Variants in SRMS observed in about 807,000 individuals in gnomAD.
SRMS encodes the protein tyrosine-protein kinase Srms.
Under a neutral mutation model 43.5 loss-of-function variants are expected in SRMS, and 42 were observed. The observed-to-expected ratio is 0.97, with a 90% CI of 0.75 to 1.25. SRMS has a LOEUF of 1.25. Ranked by LOEUF, SRMS falls within the 50% of genes most tolerant of loss-of-function variation. SRMS has a pLI of 0.00. For synonymous variants in SRMS, 316 were observed against 308.2 expected (o/e 1.03, Z -0.27); for missense variants, 703 against 681.0 (o/e 1.03, Z -0.36).
rs1555886442 is a variant in SRMS, at chr20:63,538,721, T to TGGGGGGGGGGGG, written c.*2096_*2097insCCCCCCCCCCCC. On this transcript the variant is annotated 3_prime_UTR_variant, in exon 8 of 8. Coordinates refer to ENST00000217188, the MANE Select transcript of SRMS (RefSeq NM_080823.4). ...GTTGGGGAGGATGCAGGGGGAGGGG[T>TGGGGGGGGGGGG]GGGGGGTGGGGAATGCGGAAGGAGG... Among the ~76,000 whole-genome samples the TGGGGGGGGGGGG allele has an allele frequency of 4.2e-5, 1 of 23,932 alleles. No homozygotes were observed. The highest frequency in any genetic ancestry group is 1.8e-4 in the African/African-American group (1 of 5,656). 15.7% of individuals were successfully genotyped at this position (23,932 alleles called of 152,430 possible).
chr20:63,541,381 T>A, intron 6 of SRMS, 34 bp from the exon 7 acceptor site: 2 of 1,546,062 alleles, frequency 1.3e-6, no homozygotes, highest in Non-Finnish European at 1.7e-6. Flanking sequence ...GTAGGGCAGG[T>A]GGACCGGGGT....
intron 2 of SRMS, 136 bp downstream of exon 2, chr20:63,544,091 C>A: frequency 9.4e-7 from 1 of 1,066,466 alleles, no homozygotes; most frequent in Non-Finnish European, 1.2e-6. Flanking sequence ...CAGGAGGTGA[C>A]CAGCATATCT....
At position 63,547,107 on chromosome 20, in the gene SRMS, C is replaced by T. The variant is rs765182956; in HGVS notation, c.356+1G>A. Reference sequence around the variant, plus strand: ...TCTGACTCCGAGGCCGAGGTACTCACGGTTGGTCTGAGAGCGTCTCAGGAG... The same window carrying T: ...TCTGACTCCGAGGCCGAGGTACTCATGGTTGGTCTGAGAGCGTCTCAGGAG... On this transcript the variant is annotated splice_donor_variant, in intron 1 of 7. Transcript: ENST00000217188. LOFTEE classifies it high-confidence loss of function. 77 of 1,560,494 alleles carry T rather than the reference C, an allele frequency of 4.9e-5. No homozygotes were observed. In the South Asian group the frequency reaches 5.8e-4, roughly 12 times the overall value.
chr20:63,547,464 C>A lies in SRMS; in HGVS notation c.-1G>T, dbSNP rs942321178. 3.4e-6 allele frequency: 5 copies of A among 1,482,830 alleles called. No individual in the cohort carries two copies. Among genetic ancestry groups the A allele is most frequent in the South Asian group, 1.3e-5 (1 of 74,300 alleles). The allele number at this position is 1,482,830 out of a possible 1,614,324, so 91.9% of individuals were successfully genotyped here. ...GCCGCCTCCTGAGGAACGGCTCCAT[C>A]CCCCGGGGTCACCACGCTGGGCCCG... On this transcript the variant is annotated 5_prime_UTR_variant, in exon 1 of 8. Transcript: ENST00000217188.
At chr20:63,546,748 A>G (rs2082733618) in intron 1 of SRMS, among the ~76,000 whole-genome samples, 1 of 152,028 alleles carries the variant, frequency 6.6e-6, no homozygotes, top group Admixed American at 6.5e-5. Flanking sequence ...CCAAGCAGTG[A>G]CCGATCCATG....
intron 1 of SRMS, among the ~76,000 whole-genome samples, chr20:63,544,628 A>G (rs1168016515): frequency 6.6e-6 from 1 of 152,140 alleles, no homozygotes; most frequent in Non-Finnish European, 1.5e-5. Flanking sequence ...AGTGACCGCC[A>G]GCCCCAGCCA....
At chr20:63,543,285 A>T in intron 3 of SRMS, 29 bp downstream of exon 3, 3 of 1,608,656 alleles carry the variant, frequency 1.9e-6, no homozygotes, top group African/African-American at 1.3e-5. Context: ...CGGGCCCAGC[A>T]TGGGGCAGCT....
chr20:63,542,173 G>A lies in SRMS; in HGVS notation c.936C>T (p.Ala312=). The change falls in exon 5 of 8, where the codon GCC becomes GCT. Residue 312 remains alanine, a synonymous_variant. Coordinates refer to ENST00000217188, the MANE Select transcript of SRMS (RefSeq NM_080823.4). ...AGGGAGGGGACTCACTGCCCAGGAA[G>A]GCCTGCAGGTTCCCCTTGCGCATGA... ...TELMRKGNLQ[A]FLGTPEGRAL... is the part of the protein sequence containing the mutation. 6.2e-7 allele frequency: 1 copy of A among 1,609,058 alleles called. No homozygotes were observed. The highest frequency in any genetic ancestry group is 8.5e-7 in the Non-Finnish European group (1 of 1,177,190).
At chr20:63,543,259 G>C in intron 3 of SRMS, 55 bp downstream of exon 3, 1 of 1,593,296 alleles carries the variant, frequency 6.3e-7, no homozygotes, top group Non-Finnish European at 8.5e-7. Context: ...GGAGCACCTA[G>C]AACAGGGCCA....
At position 63,538,908 on chromosome 20, in the gene SRMS, A is replaced by G. The variant is rs148477487; in HGVS notation, c.*1910T>C. On this transcript the variant is annotated 3_prime_UTR_variant, in exon 8 of 8. Coordinates refer to ENST00000217188, the MANE Select transcript of SRMS (RefSeq NM_080823.4). ...GGAACGTCCCCAGCCCCTCCCAGAT[A>G]CCCAGGAGCACCAAACCTGTTCAGC... Among the ~76,000 whole-genome samples the G allele has an allele frequency of 1.0e-3, 154 of 152,168 alleles. 2 individuals are homozygous for G. The East Asian group carries it at 0.027, about 27-fold the overall frequency.
Position 63,547,260 on chromosome 20 carries a change from C to A in SRMS, c.204G>T (p.Gly68=). The change falls in exon 1 of 8, where the codon GGG becomes GGT. Residue 68 remains glycine, a synonymous_variant. Transcript: ENST00000217188. ...ALYDFTARCG[G]ELSVRRGDRL... is the part of the protein sequence containing the mutation. ...TGTCCCCGCGGCGGACACTCAGCTC[C>A]CCGCCACACCGCGCCGTGAAGTCAT... is the stretch of plus-strand genomic sequence containing the variant. 2 of 1,610,660 alleles carry A rather than the reference C, an allele frequency of 1.2e-6. No homozygotes were observed. The highest frequency in any genetic ancestry group is 1.7e-6 in the Non-Finnish European group (2 of 1,178,642).
intron 2 of SRMS, chr20:63,543,819 A>G (rs973091695): frequency 6.6e-5 from 25 of 377,338 alleles, no homozygotes; most frequent in Non-Finnish European, 1.0e-4. Flanking sequence ...CGAATAAGCA[A>G]ATGAGTGAAA....
rs1248231995 is a variant in SRMS, at chr20:63,540,159, A to G, written c.*659T>C. Among the ~76,000 whole-genome samples the G allele has an allele frequency of 1.3e-5, 2 of 152,186 alleles. No homozygotes were observed. Among genetic ancestry groups the G allele is most frequent in the African/African-American group, 4.8e-5 (2 of 41,448 alleles). On this transcript the variant is annotated 3_prime_UTR_variant, in exon 8 of 8. Transcript: ENST00000217188. ...TGTCTGAGTGGGTCAGTCCCGGCTTACTGAGTGCTGTGTGCGTGAGTGGGT... is the reference window on the plus strand; with the variant it reads ...TGTCTGAGTGGGTCAGTCCCGGCTTGCTGAGTGCTGTGTGCGTGAGTGGGT...
chr20:63,546,178 A>G (rs546098700), intron 1 of SRMS, among the ~76,000 whole-genome samples: 9 of 152,234 alleles, frequency 5.9e-5, no homozygotes, highest in Admixed American at 3.9e-4. Flanking sequence ...GCCCCTTCCC[A>G]TCACAAAGGC....
chr20:63,543,674 A>G (rs1600946124), intron 2 of SRMS, 194 bp from the exon 3 acceptor site: 3 of 619,302 alleles, frequency 4.8e-6, no homozygotes, highest in Admixed American at 3.1e-5. Context: ...AGAGCGGCCC[A>G]GGTTGGAGCT....
At position 63,541,334 on chromosome 20, in the gene SRMS, G is replaced by A. The variant is rs749706289; in HGVS notation, c.1142C>T (p.Ser381Phe). Residue 381 changes from serine (S) to phenylalanine (F), a missense_variant, in exon 7 of 8, where the codon TCC (serine) becomes TTC (phenylalanine). By Grantham distance (155) the Ser-to-Phe change is radical. Coordinates refer to ENST00000217188, the MANE Select transcript of SRMS (RefSeq NM_080823.4). ...CGGGATCTTGGAGCTGCTGCTCGGG[G>A]AGTAGATGTCGTCCTGGGGGCGAGG... ...LARLLKDDIY[S>F]PSSSSKIPVK... 1.6e-5 allele frequency: 25 copies of A among 1,543,470 alleles called. No individual in the cohort carries two copies. The Admixed American group carries it at 5.1e-4, about 31-fold the overall frequency.
rs1256626855 is a variant in SRMS at position 63,540,691 on chromosome 20, C to A, written c.*127G>T. 2 of 1,243,120 alleles carry A rather than the reference C, an allele frequency of 1.6e-6. No homozygotes were observed. Among genetic ancestry groups the A allele is most frequent in the African/African-American group, 3.0e-5 (2 of 65,858 alleles). The allele number at this position is 1,243,120 out of a possible 1,614,324, so 77.0% of individuals were successfully genotyped here. A position where few individuals can be genotyped will look rare whatever the true frequency, so the allele number is the denominator to read the frequency against. ...TGCCTGGTGCACGAACATGTGTGCA[C>A]GCCAGGGCCTGAGGCCCACAGCCAG... On this transcript the variant is annotated 3_prime_UTR_variant, in exon 8 of 8. Coordinates refer to ENST00000217188, the MANE Select transcript of SRMS (RefSeq NM_080823.4).
At chr20:63,547,032 C>T (rs2082735532) in intron 1 of SRMS, 76 bp downstream of exon 1, 1 of 1,324,162 alleles carries the variant, frequency 7.6e-7, no homozygotes, top group Non-Finnish European at 1.0e-6. Context: ...CGATTTCCAA[C>T]TCAAAATCCT....
chr20:63,545,287 G>A (rs1370499429), intron 1 of SRMS, among the ~76,000 whole-genome samples: 1 of 152,208 alleles, frequency 6.6e-6, no homozygotes, highest in African/African-American at 2.4e-5. Context: ...TGAAGTCCAA[G>A]GCGGGGACTC....
Sources: gnomAD v4.1 joint callset for allele counts (sites outside exome capture counted in the v4.1 genomes callset) on GRCh38, gnomAD v4.1.1 for gene constraint, MANE v1.5 for transcripts, NCBI Gene and HGNC (gene_info 2026-07-23, HGNC 2026-07-21) for gene names.